The following CTNNA3 variants were observed in gnomAD, a reference collection of about 807,000 sequenced individuals.
CTNNA3 encodes catenin alpha 3, also known as catenin alpha-3.
CTNNA3 carries 76 observed loss-of-function variants against 95.7 expected under a neutral mutation model. The observed-to-expected ratio is 0.79, with a 90% CI of 0.66 to 0.96. The LOEUF (loss-of-function observed/expected upper bound fraction) is 0.96. CTNNA3 is among the 40% of genes least tolerant of loss of function. CTNNA3 has a pLI of 0.00. For missense variants in CTNNA3, 1,191 were observed against 1,089.8 expected (o/e 1.09, Z -1.31); for synonymous variants, 431 against 374.4 (o/e 1.15, Z -1.74).
chr10:66,220,272 A>G (rs10996984), intron 13 of CTNNA3, among the ~76,000 whole-genome samples: 37,386 of 152,218 alleles, frequency 0.25, 4,885 homozygotes, highest in African/African-American at 0.31. Flanking sequence ...TCAGAAAGGC[A>G]TAAGTGAACT....
At chr10:66,266,220 C>T (rs2091153876) in intron 13 of CTNNA3, among the ~76,000 whole-genome samples, 1 of 151,758 alleles carries the variant, frequency 6.6e-6, no homozygotes, top group Non-Finnish European at 1.5e-5. Context: ...TGATAATCCC[C>T]TCCCTTGTAT....
At chr10:66,884,033 A>C (rs978656300) in intron 7 of CTNNA3, among the ~76,000 whole-genome samples, 2 of 152,068 alleles carry the variant, frequency 1.3e-5, no homozygotes, top group Non-Finnish European at 2.9e-5. Context: ...GGTGAAGGGG[A>C]GCTTGCATAG....
At chr10:66,854,886 C>T (rs1342400836) in intron 7 of CTNNA3, among the ~76,000 whole-genome samples, 1 of 151,788 alleles carries the variant, frequency 6.6e-6, no homozygotes, top group Non-Finnish European at 1.5e-5. Context: ...AATTATGGCC[C>T]TGGATACTGG....
chr10:66,310,408 A>G (rs1420466003), intron 12 of CTNNA3, among the ~76,000 whole-genome samples: 1 of 152,092 alleles, frequency 6.6e-6, no homozygotes, highest in Non-Finnish European at 1.5e-5. Context: ...TCAGTACCCC[A>G]CGATCCATTT....
chr10:66,365,494 A>G (rs559078531), intron 12 of CTNNA3, among the ~76,000 whole-genome samples: 6 of 152,218 alleles, frequency 3.9e-5, no homozygotes, highest in African/African-American at 1.4e-4. Context: ...ATGTAACAAA[A>G]CTGCAAGTTC....
At chr10:66,925,896 C>T (rs961484449) in intron 7 of CTNNA3, 8 of 400,404 alleles carry the variant, frequency 2.0e-5, no homozygotes, top group Admixed American at 1.9e-4. Context: ...TCCTACTGAG[C>T]CACCCAAAAG....
chr10:66,557,930 T>C (rs1842441039), intron 10 of CTNNA3, among the ~76,000 whole-genome samples: 1 of 152,106 alleles, frequency 6.6e-6, no homozygotes. Flanking sequence ...GTAGAAATAG[T>C]CATTAGATAT....
At chr10:67,207,155 T>C (rs938910461) in intron 6 of CTNNA3, among the ~76,000 whole-genome samples, 5 of 152,054 alleles carry the variant, frequency 3.3e-5, no homozygotes, top group Admixed American at 6.6e-5. Flanking sequence ...ACAAAAATTG[T>C]AATGCATAAA....
chr10:66,122,102 C>T (rs893795474), intron 13 of CTNNA3, among the ~76,000 whole-genome samples: 4 of 152,012 alleles, frequency 2.6e-5, no homozygotes, highest in African/African-American at 9.6e-5. Flanking sequence ...AATGGAAAAA[C>T]AGATAACAAA....
intron 17 of CTNNA3, among the ~76,000 whole-genome samples, chr10:65,942,705 A>G (rs1246031938): frequency 3.3e-5 from 5 of 152,166 alleles, no homozygotes; most frequent in Non-Finnish European, 5.9e-5. Context: ...GCATAGACAA[A>G]TTTTGTATTG....
At chr10:66,711,822 G>A (rs1310728882) in intron 9 of CTNNA3, among the ~76,000 whole-genome samples, 3 of 151,896 alleles carry the variant, frequency 2.0e-5, no homozygotes, top group Admixed American at 6.6e-5. Flanking sequence ...TGCTCGTCTC[G>A]GCCTCTCAAA....
At chr10:67,744,535 A>G (rs1486743502) in intron 1 of CTNNA3, among the ~76,000 whole-genome samples, 1 of 151,350 alleles carries the variant, frequency 6.6e-6, no homozygotes, top group East Asian at 1.9e-4. Context: ...TGTTAGACCT[A>G]AAACCATAAA....
intron 12 of CTNNA3, among the ~76,000 whole-genome samples, chr10:66,350,663 A>G (rs2092560311): frequency 1.3e-5 from 2 of 151,504 alleles, no homozygotes; most frequent in Non-Finnish European, 2.9e-5. Context: ...GAAAATGCTT[A>G]TTTTCCTCTT....
rs898051666 is a variant in CTNNA3, at chr10:67,421,782, T to G, written c.579+100060A>C. On this transcript the variant is annotated intron_variant, in intron 5 of 17. Transcript: ENST00000433211. ...CTCTTTCTGAATTCTCCAGAATGAC[T>G]GATAAGGTATTCTGCATGTTATATA... 4.6e-5 allele frequency among the ~76,000 whole-genome samples: 7 copies of G among 152,172 alleles called. No individual in the cohort carries two copies. In the East Asian group the frequency reaches 1.3e-3, roughly 29 times the overall value.
intron 5 of CTNNA3, among the ~76,000 whole-genome samples, chr10:67,304,932 G>A (rs982413548): frequency 1.3e-5 from 2 of 151,946 alleles, no homozygotes; most frequent in Non-Finnish European, 1.5e-5. Flanking sequence ...GGGAAGAGGA[G>A]GAGGTACAAA....
intron 15 of CTNNA3, among the ~76,000 whole-genome samples, chr10:66,031,517 G>C (rs1379872772): frequency 6.6e-6 from 1 of 152,062 alleles, no homozygotes; most frequent in Non-Finnish European, 1.5e-5. Flanking sequence ...GGGGACACAT[G>C]GACATAAAGA....
At chr10:66,044,382 A>G (rs1474320174) in intron 15 of CTNNA3, among the ~76,000 whole-genome samples, 2 of 152,072 alleles carry the variant, frequency 1.3e-5, no homozygotes, top group African/African-American at 4.8e-5. Context: ...AAATGCTTAT[A>G]TTTATTTAAA....
chr10:67,298,117 A>C (rs1428482832), intron 5 of CTNNA3, among the ~76,000 whole-genome samples: 3 of 152,184 alleles, frequency 2.0e-5, no homozygotes, highest in Non-Finnish European at 4.4e-5. Flanking sequence ...GTTAAGTCAA[A>C]GATGATTTTT....
chr10:66,379,523 A>T (rs996768035), intron 11 of CTNNA3, among the ~76,000 whole-genome samples, 171 bp from the exon 12 acceptor site: 1 of 152,166 alleles, frequency 6.6e-6, no homozygotes, highest in Non-Finnish European at 1.5e-5. Context: ...ACATCCCTTT[A>T]TTCTTTAATA....
Sources: allele counts gnomAD v4.1 joint callset (sites outside exome capture counted in the v4.1 genomes callset), GRCh38; gene constraint gnomAD v4.1.1; transcripts MANE v1.5; gene names NCBI Gene and HGNC (gene_info 2026-07-23, HGNC 2026-07-21).